CCDC120: variants seen among roughly 807,000 people sequenced by gnomAD.
CCDC120 encodes the protein coiled-coil domain-containing protein 120.
A neutral mutation model predicts 37.6 loss-of-function variants in CCDC120; 16 were observed. The ratio of observed to expected loss-of-function variants is 0.43; its 90% CI spans 0.29 to 0.65. CCDC120 has a LOEUF of 0.65. CCDC120 is among the 30% of genes least tolerant of loss of function. CCDC120 has a pLI of 0.18. For missense variants in CCDC120, 650 were observed against 657.4 expected (o/e 0.99, Z 0.12); for synonymous variants, 309 against 275.4 (o/e 1.12, Z -1.21).
chrX:49,063,857 C>T lies in CCDC120; in HGVS notation c.289-4C>T. ...GGTAGTCTCTGACCCCTGCCTCCCA[C>T]CAGGAGCTGACTGGCCAGCTGCCCC... On this transcript the variant is annotated splice_polypyrimidine_tract_variant and splice_region_variant and intron_variant, in intron 4 of 10. Transcript: ENST00000603986. The T allele has an allele frequency of 2.5e-6, 3 of 1,202,612 alleles. No individual in the cohort carries two copies. The highest frequency in any genetic ancestry group is 3.4e-6 in the Non-Finnish European group (3 of 890,684).
intron 1 of CCDC120, among the ~76,000 whole-genome samples, chrX:49,060,488 G>T (rs1220907478): frequency 9.6e-6 from 1 of 104,124 alleles, no homozygotes; most frequent in Admixed American, 1.1e-4. Flanking sequence ...AATTGGGATT[G>T]GATTGGGACC....
intron 1 of CCDC120, among the ~76,000 whole-genome samples, chrX:49,060,924 A>G (rs925133400): frequency 5.4e-5 from 6 of 111,620 alleles, no homozygotes; most frequent in Non-Finnish European, 1.1e-4. Context: ...ATGTCATGAC[A>G]AGCTGCCGAC....
intron 1 of CCDC120, chrX:49,053,943 C>A (rs1557078041): frequency 8.9e-6 from 1 of 112,869 alleles, no homozygotes. Flanking sequence ...CCGGAAACGC[C>A]GACGGGGCGT....
At position 49,068,707 on chromosome X, in the gene CCDC120, G is replaced by A. The variant is rs782100459; in HGVS notation, c.*49G>A. On this transcript the variant is annotated 3_prime_UTR_variant, in exon 11 of 11. Coordinates refer to ENST00000603986, the MANE Select transcript of CCDC120 (RefSeq NM_001163321.4). ...GGCCTGGGCACGATTCCAATCTGGG[G>A]AGCACACAGCTGACCTCGCTGGGCC... 1 of 1,061,549 alleles carries A rather than the reference G, an allele frequency of 9.4e-7. No individual in the cohort carries two copies. The allele number at this position is 1,061,549 out of a possible 1,213,427, so 87.5% of individuals were successfully genotyped here.
At position 49,065,828 on chromosome X, in the gene CCDC120, T is replaced by C; in HGVS notation, c.1044T>C (p.Ala348=). ...VPATPVLTRG[A]GPQLCKPEGL... is the part of the protein sequence containing the mutation. The stretch of plus-strand genomic sequence containing the variant: ...CCACCCCTGTCCTCACCCGGGGCGC[T>C]GGCCCCCAGCTCTGCAAGTAAGGGG... Residue 348 remains alanine, a synonymous_variant, in exon 9 of 11, where the codon GCT becomes GCC. Coordinates refer to ENST00000603986, the MANE Select transcript of CCDC120 (RefSeq NM_001163321.4). 2 of 1,166,646 alleles carry C rather than the reference T, an allele frequency of 1.7e-6. No homozygotes were observed. Among genetic ancestry groups the C allele is most frequent in the South Asian group, 3.8e-5 (2 of 52,629 alleles).
chrX:49,068,203 T>A (rs2064983957), intron 10 of CCDC120, 113 bp downstream of exon 10: 2 of 1,106,638 alleles, frequency 1.8e-6, no homozygotes, highest in Non-Finnish European at 2.4e-6. Flanking sequence ...ATGAGGAAAC[T>A]AGCTGCTGTG....
At position 49,068,928 on chromosome X, in the gene CCDC120, T is replaced by C. The variant is rs1227369424; in HGVS notation, c.*270T>C. 1.6e-5 allele frequency: 4 copies of C among 242,741 alleles called. No individual in the cohort carries two copies. In the East Asian group the frequency reaches 2.5e-4, roughly 15 times the overall value. 20.0% of individuals were successfully genotyped at this position (242,741 alleles called of 1,213,427 possible). On this transcript the variant is annotated 3_prime_UTR_variant, in exon 11 of 11. Transcript: ENST00000603986. ...GACCCCAAGCCCCTTCCTCCATTTA[T>C]GTTTACAGTTGTGACTTAGGTATTC...
In CCDC120 at chrX:49,064,473, G is replaced by A. The variant is rs1557080460; in HGVS notation, c.533G>A (p.Arg178His). 8 of 1,178,647 alleles carry A rather than the reference G, an allele frequency of 6.8e-6. No individual in the cohort carries two copies. In the African/African-American group the frequency reaches 7.1e-5, roughly 10 times the overall value. Residue 178 changes from arginine (R) to histidine (H), a missense_variant, in exon 6 of 11, where the codon CGC (arginine) becomes CAC (histidine). By Grantham distance (29) the Arg-to-His change is conservative. Coordinates refer to ENST00000603986, the MANE Select transcript of CCDC120 (RefSeq NM_001163321.4). ...GCCCCTGATCTGAGCACCGAGCAGC[G>A]CCGGCGCCGGCGCCAGGTCCAGGCA... is the stretch of plus-strand genomic sequence containing the variant. Reference protein sequence around the residue: ...ALAPDLSTEQRRRRRQVQADA... With the variant: ...ALAPDLSTEQHRRRRQVQADA...
At chrX:49,061,798 C>T in intron 1 of CCDC120, 161 bp from the exon 2 acceptor site, 1 of 529,314 alleles carries the variant, frequency 1.9e-6, no homozygotes, top group South Asian at 3.2e-5. Flanking sequence ...ACCTCTGTGC[C>T]TTCCTTTCCT....
chrX:49,064,218 C>A (rs2064922729), intron 5 of CCDC120, 152 bp from the exon 6 acceptor site: 10 of 760,068 alleles, frequency 1.3e-5, no homozygotes, highest in Non-Finnish European at 1.7e-5. Flanking sequence ...ATGAACAGAC[C>A]CAGCCCTTCA....
At position 49,064,640 on chromosome X, in the gene CCDC120, A is replaced by C; in HGVS notation, c.700A>C (p.Met234Leu). 1 of 1,192,340 alleles carries C rather than the reference A, an allele frequency of 8.4e-7. No homozygotes were observed. Among genetic ancestry groups the C allele is most frequent in the Non-Finnish European group, 1.1e-6 (1 of 884,240 alleles). The change falls in exon 6 of 11, where the codon ATG becomes CTG. Residue 234 changes from methionine (M) to leucine (L), a missense_variant. Met to Leu is a conservative substitution (Grantham distance 15). Transcript: ENST00000603986. ...VITTQGVCLGMRLAQLSQEDV... is the reference protein window; with the variant it reads ...VITTQGVCLGLRLAQLSQEDV... ...CACCACCCAGGGAGTCTGCCTGGGCATGCGTCTTGCTCAGCTCAGCCAAGG... is the reference window on the plus strand; with the variant it reads ...CACCACCCAGGGAGTCTGCCTGGGCCTGCGTCTTGCTCAGCTCAGCCAAGG...
chrX:49,067,336 G>A lies in CCDC120; in HGVS notation c.1222G>A (p.Gly408Arg). Residue 408 changes from glycine to arginine, a missense_variant, in exon 10 of 11, where the codon GGA becomes AGA. Physicochemically the swap from Gly to Arg is moderately radical, Grantham distance 125. Transcript: ENST00000603986. Reference sequence around the variant, plus strand: ...GCTGGTGGACCGGGCCGCTGGTGGGGGAGCTGGCTCCCCGCCTGCCCCTCT... The same window carrying A: ...GCTGGTGGACCGGGCCGCTGGTGGGAGAGCTGGCTCCCCGCCTGCCCCTCT... Reference protein sequence around the residue: ...ALLVDRAAGGGAGSPPAPLAP... With the variant: ...ALLVDRAAGGRAGSPPAPLAP... 1 of 1,206,221 alleles carries A rather than the reference G, an allele frequency of 8.3e-7. No homozygotes were observed. Among genetic ancestry groups the A allele is most frequent in the Non-Finnish European group, 1.1e-6 (1 of 893,262 alleles).
chrX:49,061,854 T>C (rs1415354082), intron 1 of CCDC120, 105 bp from the exon 2 acceptor site: 5 of 824,670 alleles, frequency 6.1e-6, no homozygotes, highest in Non-Finnish European at 8.3e-6. Context: ...GCTCTGAAGA[T>C]TGAGTGTGGC....
At chrX:49,058,504 T>G (rs1223622452), upstream of CCDC120, among the ~76,000 whole-genome samples, 1 of 112,271 alleles carries the variant, frequency 8.9e-6, no homozygotes, top group African/African-American at 3.2e-5. Flanking sequence ...TCCCATGTAC[T>G]TTACAGCTCC....
At position 49,065,759 on chromosome X, in the gene CCDC120, G is replaced by A. The variant is rs782107592; in HGVS notation, c.975G>A (p.Ser325=). The A allele has an allele frequency of 2.6e-6, 3 of 1,174,129 alleles. No homozygotes were observed. The highest frequency in any genetic ancestry group is 3.8e-5 in the South Asian group (2 of 53,099). ...SVASPTSPTR[S]LPRSASSFEG... ...TGTCTCTGTCTAGCCCCACACGCTC[G>A]CTGCCCAGGAGTGCCTCCAGTTTTG... Residue 325 remains serine (S), a synonymous_variant, in exon 9 of 11, where the codon TCG becomes TCA. Coordinates refer to ENST00000603986, the MANE Select transcript of CCDC120 (RefSeq NM_001163321.4).
At chrX:49,054,718 C>T (rs897106374), upstream of CCDC120, among the ~76,000 whole-genome samples, 4 of 110,386 alleles carry the variant, frequency 3.6e-5, no homozygotes, top group Non-Finnish European at 7.6e-5. Flanking sequence ...TTTTCTCTGA[C>T]CCTTGTCCTG....
intron 1 of CCDC120, chrX:49,053,942 C>T (rs1414262286): frequency 8.9e-6 from 1 of 112,926 alleles, no homozygotes; most frequent in Non-Finnish European, 1.9e-5. Flanking sequence ...CCCGGAAACG[C>T]CGACGGGGCG....
rs369880011 is a variant in CCDC120, at chrX:49,062,516, G to T, written c.203G>T (p.Arg68Leu). The T allele has an allele frequency of 1.2e-5, 15 of 1,210,427 alleles. No individual in the cohort carries two copies. In the African/African-American group the frequency reaches 2.4e-4, roughly 20 times the overall value. ...AAPQVKSERL[R>L]GLLDRQRTLQ... is the part of the protein sequence containing the mutation. ...CCCCAGGTGAAGTCAGAGCGTCTGCGGGGGCTGCTTGACCGGCAGCGGACC... is the reference window on the plus strand; with the variant it reads ...CCCCAGGTGAAGTCAGAGCGTCTGCTGGGGCTGCTTGACCGGCAGCGGACC... Residue 68 changes from arginine to leucine, a missense_variant, in exon 4 of 11, where the codon CGG becomes CTG. Transcript: ENST00000603986.
At chrX:49,060,755 T>C (rs1470694793) in intron 1 of CCDC120, among the ~76,000 whole-genome samples, 1 of 111,648 alleles carries the variant, frequency 9.0e-6, no homozygotes, top group Non-Finnish European at 1.9e-5. Flanking sequence ...GCACCACTGC[T>C]TCAAGAGAGG....
Sources: allele counts gnomAD v4.1 joint callset (sites outside exome capture counted in the v4.1 genomes callset), GRCh38; gene constraint gnomAD v4.1.1; transcripts MANE v1.5; gene names NCBI Gene and HGNC (gene_info 2026-07-23, HGNC 2026-07-21).